CABLES1: variants seen among roughly 807,000 people sequenced by gnomAD.
CABLES1 encodes the protein Cdk5 and Abl enzyme substrate 1.
In CABLES1, 36 loss-of-function variants were observed where a neutral mutation model predicts 57.8. The ratio of observed to expected loss-of-function variants is 0.62; its 90% CI spans 0.48 to 0.82. The LOEUF (loss-of-function observed/expected upper bound fraction) is 0.82, where lower values mean the gene tolerates loss of function less well. Ranked by LOEUF, CABLES1 falls within the 40% of genes least tolerant of loss-of-function variation. The probability of loss-of-function intolerance (pLI) is 0.00; values close to 1 mark genes in which losing one functional copy is unlikely to be tolerated. For synonymous variants in CABLES1, 374 were observed against 363.0 expected, an observed-to-expected ratio of 1.03 and a Z score of -0.35; for missense variants, 767 against 836.6, an observed-to-expected ratio of 0.92 and a Z score of 1.03.
chr18:23,213,106 G>A (rs1280973621), intron 3 of CABLES1, among the ~76,000 whole-genome samples: 1 of 152,150 alleles, frequency 6.6e-6, no homozygotes, highest in Non-Finnish European at 1.5e-5. Flanking sequence ...ATTTCATAGT[G>A]TTACAACAAA....
intron 1 of CABLES1, among the ~76,000 whole-genome samples, chr18:23,164,716 C>T (rs1415387209): frequency 6.7e-6 from 1 of 150,252 alleles, no homozygotes; most frequent in Non-Finnish European, 1.5e-5. Context: ...TGAAACATAT[C>T]AAAGCTTATC....
intron 1 of CABLES1, among the ~76,000 whole-genome samples, chr18:23,175,818 A>G (rs1735031377): frequency 1.3e-5 from 2 of 152,202 alleles, no homozygotes; most frequent in African/African-American, 4.8e-5. Flanking sequence ...GCTATACTTA[A>G]GGATTTATTG....
intron 1 of CABLES1, among the ~76,000 whole-genome samples, chr18:23,170,552 A>G (rs1262165677): frequency 1.3e-5 from 2 of 152,136 alleles, no homozygotes; most frequent in Non-Finnish European, 2.9e-5. Context: ...TATTGGTCTC[A>G]TAGCAGAAGC....
At chr18:23,155,444 T>C (rs4369779) in intron 1 of CABLES1, among the ~76,000 whole-genome samples, 118,740 of 152,184 alleles carry the variant, frequency 0.78, 46,581 homozygotes, top group Middle Eastern at 0.87. Flanking sequence ...ATGCATATTA[T>C]AGACCTAGCA....
intron 3 of CABLES1, among the ~76,000 whole-genome samples, chr18:23,203,470 AAAG>A (rs1001984270): frequency 2.6e-5 from 4 of 151,628 alleles, no homozygotes; most frequent in Non-Finnish European, 5.9e-5. Flanking sequence ...AAAAAAAAAA[AAAG>A]AAAGAAACAC....
chr18:23,214,902 C>G (rs757233589), intron 4 of CABLES1, among the ~76,000 whole-genome samples: 31 of 152,306 alleles, frequency 2.0e-4, no homozygotes, highest in Admixed American at 7.2e-4. Flanking sequence ...TGAGCTCTAC[C>G]CCAGGCCTTC....
At chr18:23,212,818 G>T (rs1480459965) in intron 3 of CABLES1, among the ~76,000 whole-genome samples, 1 of 152,170 alleles carries the variant, frequency 6.6e-6, no homozygotes, top group Non-Finnish European at 1.5e-5. Context: ...CTCCGTGGAG[G>T]GGGTACTTCT....
At chr18:23,169,411 T>A (rs2047066829) in intron 1 of CABLES1, among the ~76,000 whole-genome samples, 1 of 152,184 alleles carries the variant, frequency 6.6e-6, no homozygotes, top group South Asian at 2.1e-4. Context: ...TCTTTTCCAG[T>A]AATGTAAGTA....
At chr18:23,155,790 T>G in intron 1 of CABLES1, 2 of 1,548,128 alleles carry the variant, frequency 1.3e-6, no homozygotes, top group Non-Finnish European at 1.7e-6. Context: ...TTTTGAGTCT[T>G]AGGTTTGGTC....
intron 1 of CABLES1, among the ~76,000 whole-genome samples, chr18:23,181,973 T>G (rs1394709127): frequency 6.6e-6 from 1 of 152,186 alleles, no homozygotes; most frequent in East Asian, 1.9e-4. Context: ...CACTCTCACC[T>G]CTTCCACACC....
chr18:23,255,538 G>A (rs1288165407), intron 9 of CABLES1, among the ~76,000 whole-genome samples: 1 of 151,324 alleles, frequency 6.6e-6, no homozygotes, highest in East Asian at 1.9e-4. Context: ...GGCTTATACA[G>A]ACATCTGCTG....
intron 4 of CABLES1, among the ~76,000 whole-genome samples, chr18:23,227,493 T>C (rs2047536548): frequency 6.6e-6 from 1 of 152,234 alleles, no homozygotes. Context: ...TTATGGCTTA[T>C]CGATGGAGTC....
chr18:23,212,569 G>A (rs527982436), intron 3 of CABLES1, among the ~76,000 whole-genome samples: 2 of 152,228 alleles, frequency 1.3e-5, no homozygotes, highest in African/African-American at 4.8e-5. Flanking sequence ...CTCCCATGAC[G>A]GATATTCAAG....
intron 1 of CABLES1, among the ~76,000 whole-genome samples, chr18:23,162,282 C>T (rs2047010942): frequency 6.6e-6 from 1 of 152,106 alleles, no homozygotes; most frequent in Non-Finnish European, 1.5e-5. Context: ...AGAAATTGTT[C>T]GTAAGAAAGT....
rs78733368 is a variant in CABLES1 at position 23,145,423 on chromosome 18, T to C, written c.845+8816T>C. Reference sequence around the variant, plus strand: ...ATCCTTTTTGTCCTGTTCTCCTCTTTGGGGGCTGTGCAAAATGTCGCTATC... The same window carrying C: ...ATCCTTTTTGTCCTGTTCTCCTCTTCGGGGGCTGTGCAAAATGTCGCTATC... On this transcript the variant is annotated intron_variant, in intron 1 of 9. Transcript: ENST00000256925. Among the ~76,000 whole-genome samples, 222 of 152,264 alleles carry C rather than the reference T, an allele frequency of 1.5e-3. 1 individual carries two copies. The East Asian group carries it at 0.036, about 25-fold the overall frequency.
At chr18:23,256,723 G>A (rs984712222) in intron 9 of CABLES1, among the ~76,000 whole-genome samples, 1 of 152,128 alleles carries the variant, frequency 6.6e-6, no homozygotes, top group Non-Finnish European at 1.5e-5. Context: ...GACCTCAAGT[G>A]ATCCACCCAC....
At chr18:23,249,026 G>C (rs960560124) in intron 7 of CABLES1, among the ~76,000 whole-genome samples, 1 of 152,162 alleles carries the variant, frequency 6.6e-6, no homozygotes, top group Non-Finnish European at 1.5e-5. Flanking sequence ...ACTGGCTGCT[G>C]GCTCCAGATC....
At chr18:23,230,036 T>C (rs1223603920) in intron 4 of CABLES1, among the ~76,000 whole-genome samples, 1 of 152,246 alleles carries the variant, frequency 6.6e-6, no homozygotes, top group African/African-American at 2.4e-5. Context: ...TTGTGAAAGA[T>C]GTATTTTTTA....
intron 4 of CABLES1, among the ~76,000 whole-genome samples, chr18:23,227,554 A>G (rs1421733878): frequency 1.3e-5 from 2 of 152,044 alleles, no homozygotes; most frequent in Non-Finnish European, 2.9e-5. Flanking sequence ...TTTTGACTTC[A>G]CTTTTGTCCA....
Sources: allele counts gnomAD v4.1 joint callset (sites outside exome capture counted in the v4.1 genomes callset), GRCh38; gene constraint gnomAD v4.1.1; transcripts MANE v1.5; gene names NCBI Gene and HGNC (gene_info 2026-07-23, HGNC 2026-07-21).